Variants in KIF16B observed in about 807,000 individuals in gnomAD.
KIF16B encodes kinesin-like protein KIF16B.
In KIF16B, 98 loss-of-function variants were observed where a neutral mutation model predicts 156.3. That is an observed-to-expected ratio of 0.63 (90% CI 0.53 to 0.74). The LOEUF (loss-of-function observed/expected upper bound fraction) is 0.74. Ranked by LOEUF, KIF16B falls within the 30% of genes least tolerant of loss-of-function variation. KIF16B has a pLI of 0.00. For synonymous variants in KIF16B, 564 were observed against 583.7 expected, an observed-to-expected ratio of 0.97 and a Z score of 0.49; for missense variants, 1,421 against 1,606.5, an observed-to-expected ratio of 0.88 and a Z score of 1.97.
At chr20:16,390,042 G>C (rs989329591) in intron 17 of KIF16B, among the ~76,000 whole-genome samples, 1 of 152,128 alleles carries the variant, frequency 6.6e-6, no homozygotes, top group Non-Finnish European at 1.5e-5. Flanking sequence ...ATCAAGATGG[G>C]GGTGGGATAC....
chr20:16,341,020 C>G (rs1463832312), intron 23 of KIF16B, among the ~76,000 whole-genome samples: 1 of 152,146 alleles, frequency 6.6e-6, no homozygotes, highest in Non-Finnish European at 1.5e-5. Flanking sequence ...ATACCACCCT[C>G]CACCCTTGAG....
chr20:16,491,364 A>G (rs2068285833), intron 12 of KIF16B, among the ~76,000 whole-genome samples: 1 of 152,206 alleles, frequency 6.6e-6, no homozygotes, highest in Admixed American at 6.5e-5. Flanking sequence ...TCTGGACTTT[A>G]GAAAATGAAA....
At position 16,406,430 on chromosome 20, in the gene KIF16B, T is replaced by G. The variant is rs760973299; in HGVS notation, c.1639A>C (p.Asn547His). The G allele has an allele frequency of 1.9e-6, 3 of 1,613,530 alleles. No homozygotes were observed. The South Asian group carries it at 3.3e-5, about 18-fold the overall frequency. ...QGAVILLGRT[N>H]MFRFNHPKEA... ...TTTGGATGGTTAAAGCGAAACATAT[T>G]GGTTCTTCCCAAGAGAATCACAGCA... The change falls in exon 16 of 26, where the codon AAT becomes CAT. Residue 547 changes from asparagine (N) to histidine (H), a missense_variant. Physicochemically the swap from Asn to His is moderately conservative, Grantham distance 68 (BLOSUM62 1). Transcript: ENST00000354981.
At chr20:16,315,442 G>A (rs1477168551) in intron 24 of KIF16B, among the ~76,000 whole-genome samples, 3 of 152,128 alleles carry the variant, frequency 2.0e-5, no homozygotes, top group East Asian at 1.9e-4. Flanking sequence ...CAGGCCTCTC[G>A]GGATAAAGCT....
chr20:16,506,022 C>T lies in KIF16B; in HGVS notation c.868G>A (p.Ala290Thr). The part of the protein sequence containing the change: ...VTLGNVISAL[A>T]DLSQDAANTL... ...AGGCAGGAGCCAGGCGTAAGCATAC[C>T]TAAGGCAGAAATGACGTTCCCCAGA... The change falls in exon 8 of 26, where the codon GCT becomes ACT. Residue 290 changes from alanine to threonine, a missense_variant and splice_region_variant. Physicochemically the swap from Ala to Thr is moderately conservative, Grantham distance 58 (BLOSUM62 0). Coordinates refer to ENST00000354981, the MANE Select transcript of KIF16B (RefSeq NM_024704.5). The T allele has an allele frequency of 6.2e-7, 1 of 1,614,094 alleles. No homozygotes were observed. Among genetic ancestry groups the T allele is most frequent in the Non-Finnish European group, 8.5e-7 (1 of 1,179,970 alleles).
intron 14 of KIF16B, 33 bp from the exon 15 acceptor site, chr20:16,427,274 T>A (rs200966906): frequency 1.3e-6 from 2 of 1,589,546 alleles, no homozygotes; most frequent in Non-Finnish European, 1.7e-6. Context: ...AAAGAATTTT[T>A]CCCCCTTTTC....
intron 2 of KIF16B, 117 bp downstream of exon 2, chr20:16,528,254 T>A (rs2069621247): frequency 1.4e-6 from 1 of 739,694 alleles, no homozygotes; most frequent in Non-Finnish European, 2.3e-6. Context: ...CGTGGCTAAC[T>A]GCACTGGAAA....
chr20:16,541,681 T>C (rs1422928522), intron 1 of KIF16B, among the ~76,000 whole-genome samples: 2 of 152,164 alleles, frequency 1.3e-5, no homozygotes, highest in Non-Finnish European at 2.9e-5. Flanking sequence ...TGTGGGAGTA[T>C]AGCAAGCAGG....
intron 24 of KIF16B, among the ~76,000 whole-genome samples, chr20:16,313,114 A>G (rs1458087388): frequency 6.6e-6 from 1 of 152,252 alleles, no homozygotes; most frequent in Non-Finnish European, 1.5e-5. Flanking sequence ...CAGGCAAGAT[A>G]GGATTCTATA....
intron 12 of KIF16B, among the ~76,000 whole-genome samples, chr20:16,478,885 T>C (rs899804977): frequency 2.0e-5 from 3 of 152,180 alleles, no homozygotes; most frequent in Admixed American, 6.5e-5. Flanking sequence ...GGTCTTGAAA[T>C]GTATCCCCTG....
chr20:16,502,978 G>C (rs1281346818), intron 10 of KIF16B, among the ~76,000 whole-genome samples: 1 of 152,152 alleles, frequency 6.6e-6, no homozygotes, highest in Non-Finnish European at 1.5e-5. Context: ...ACTTTGGGAG[G>C]CCAAGGCGGG....
At chr20:16,524,081 AC>A (rs1220690923) in intron 3 of KIF16B, among the ~76,000 whole-genome samples, 1 of 152,204 alleles carries the variant, frequency 6.6e-6, no homozygotes, top group Non-Finnish European at 1.5e-5. Context: ...ATAGAAGAAA[AC>A]CTAGGCAATG....
At chr20:16,409,246 T>C (rs1366936490) in intron 15 of KIF16B, among the ~76,000 whole-genome samples, 4 of 151,972 alleles carry the variant, frequency 2.6e-5, no homozygotes, top group Admixed American at 6.6e-5. Flanking sequence ...AAAGCAATAA[T>C]GATCATGATG....
At chr20:16,554,317 G>A (rs893304229) in intron 1 of KIF16B, among the ~76,000 whole-genome samples, 2 of 152,142 alleles carry the variant, frequency 1.3e-5, no homozygotes, top group Non-Finnish European at 2.9e-5. Flanking sequence ...ACAATGACCT[G>A]CCAGCTGCCG....
At chr20:16,567,440 A>G (rs949183857) in intron 1 of KIF16B, among the ~76,000 whole-genome samples, 4 of 152,042 alleles carry the variant, frequency 2.6e-5, no homozygotes, top group African/African-American at 9.7e-5. Flanking sequence ...CACAGATTCT[A>G]TTGTTATTTT....
chr20:16,339,553 G>C (rs1248060077), intron 23 of KIF16B, among the ~76,000 whole-genome samples: 1 of 152,100 alleles, frequency 6.6e-6, no homozygotes, highest in Non-Finnish European at 1.5e-5. Context: ...TATCCGACTG[G>C]CTACTTGACA....
chr20:16,470,616 T>C (rs2067634945), intron 12 of KIF16B, among the ~76,000 whole-genome samples: 1 of 151,842 alleles, frequency 6.6e-6, no homozygotes, highest in Non-Finnish European at 1.5e-5. Context: ...CCTGAGCAGC[T>C]GGAACTACAG....
intron 25 of KIF16B, among the ~76,000 whole-genome samples, chr20:16,305,937 T>C (rs1248159924): frequency 1.3e-5 from 2 of 152,210 alleles, no homozygotes; most frequent in African/African-American, 2.4e-5. Context: ...GTTGATTCCA[T>C]ATCTTGGCTT....
At chr20:16,293,300 T>C (rs746081040) in intron 25 of KIF16B, among the ~76,000 whole-genome samples, 1 of 152,226 alleles carries the variant, frequency 6.6e-6, no homozygotes, top group South Asian at 2.1e-4. Flanking sequence ...CTATGGGTTT[T>C]TGGTAGGGGA....
Sources: allele counts gnomAD v4.1 joint callset (sites outside exome capture counted in the v4.1 genomes callset), GRCh38; gene constraint gnomAD v4.1.1; transcripts MANE v1.5; gene names NCBI Gene and HGNC (gene_info 2026-07-23, HGNC 2026-07-21).